The following RBFOX1 variants were observed in gnomAD, a reference collection of about 807,000 sequenced individuals.
RBFOX1 encodes the protein RNA binding fox-1 homolog 1.
In RBFOX1, 8 loss-of-function variants were observed where a neutral mutation model predicts 57.7. The observed-to-expected ratio is 0.14, with a 90% CI of 0.08 to 0.25. RBFOX1 has a LOEUF of 0.25. Among genes scored for constraint, RBFOX1 ranks in the 10% least tolerant of loss-of-function variants. RBFOX1 has a pLI of 1.00. For missense variants in RBFOX1, 611 were observed against 548.5 expected (o/e 1.11, Z -1.14); for synonymous variants, 326 against 222.4 (o/e 1.47, Z -4.15).
Position 5,478,756 on chromosome 16 carries a change from G to C in RBFOX1, c.258+11502G>C, listed in dbSNP as rs146334894. ...CACCTTTTCCCACTGGTTTCTCATT[G>C]GGTTTGGGCAATAGGGAGCCATAGT... is the stretch of plus-strand genomic sequence containing the variant. On this transcript the variant is annotated intron_variant, in intron 2 of 2. Coordinates refer to the RBFOX1 transcript ENST00000585867. 2.9e-3 allele frequency among the ~76,000 whole-genome samples: 449 copies of C among 152,216 alleles called. 2 individuals carry two copies. Among genetic ancestry groups the C allele is most frequent in the African/African-American group, 0.01 (430 of 41,528 alleles).
intron 4 of RBFOX1, among the ~76,000 whole-genome samples, chr16:7,312,397 A>G (rs540944476): frequency 1.3e-5 from 2 of 152,364 alleles, no homozygotes; most frequent in South Asian, 4.1e-4. Context: ...AGCAACAACA[A>G]CAATGAAACA....
At chr16:5,941,452 T>G (rs1033915684) in intron 4 of RBFOX1, among the ~76,000 whole-genome samples, 2 of 151,624 alleles carry the variant, frequency 1.3e-5, no homozygotes, top group African/African-American at 4.9e-5. Context: ...ATAGCTCTTC[T>G]GCGCTCCAGC....
rs75564826 is a variant in RBFOX1 at position 5,666,179 on chromosome 16, G to A, written c.318+67218G>A. Among the ~76,000 whole-genome samples, 1,072 of 152,348 alleles carry A rather than the reference G, an allele frequency of 7.0e-3. 6 individuals carry two copies. Among genetic ancestry groups the A allele is most frequent in the African/African-American group, 0.025 (1,034 of 41,584 alleles). On this transcript the variant is annotated intron_variant, in intron 3 of 19. Coordinates refer to the RBFOX1 transcript ENST00000641259. ...TGGGCACATCCATCATGGATACGGA[G>A]GCAGCTGGGAAGGAAAGGGAGGGCA...
chr16:7,108,699 G>C (rs570427839), intron 4 of RBFOX1, among the ~76,000 whole-genome samples: 62 of 152,270 alleles, frequency 4.1e-4, no homozygotes, highest in Non-Finnish European at 6.0e-4. Flanking sequence ...ACAGTTAAAA[G>C]TGTCCATACT....
intron 4 of RBFOX1, among the ~76,000 whole-genome samples, chr16:7,484,730 C>G (rs774105816): frequency 5.3e-5 from 8 of 152,198 alleles, no homozygotes; most frequent in Non-Finnish European, 1.0e-4. Context: ...TCCCAAAGTT[C>G]TGGGATGACA....
chr16:6,531,034 G>T (rs182702456), intron 2 of RBFOX1, among the ~76,000 whole-genome samples: 205 of 152,292 alleles, frequency 1.3e-3, no homozygotes, highest in African/African-American at 4.6e-3. Flanking sequence ...CCTTGCAGGT[G>T]AGCCTCTTGA....
At chr16:5,730,292 C>T (rs2052316449) in intron 3 of RBFOX1, among the ~76,000 whole-genome samples, 1 of 152,096 alleles carries the variant, frequency 6.6e-6, no homozygotes, top group Non-Finnish European at 1.5e-5. Flanking sequence ...TTTAGTGCCA[C>T]AGAGCAAAGA....
chr16:7,448,201 A>G (rs1374815653), intron 4 of RBFOX1, among the ~76,000 whole-genome samples: 1 of 152,320 alleles, frequency 6.6e-6, no homozygotes, highest in East Asian at 1.9e-4. Flanking sequence ...AAATAACAGA[A>G]ACTTATTCTC....
At chr16:6,862,750 C>T (rs370181164) in intron 3 of RBFOX1, among the ~76,000 whole-genome samples, 2 of 152,032 alleles carry the variant, frequency 1.3e-5, no homozygotes, top group East Asian at 1.9e-4. Flanking sequence ...TTTGTAAGGC[C>T]GAGGCTGGTG....
At chr16:6,714,346 T>C (rs718974) in intron 3 of RBFOX1, among the ~76,000 whole-genome samples, 115,605 of 152,062 alleles carry the variant, frequency 0.76, 44,395 homozygotes, top group Middle Eastern at 0.91. Context: ...GAGGAAACAC[T>C]AGTGTTCATG....
At chr16:6,835,206 G>T (rs966484949) in intron 3 of RBFOX1, among the ~76,000 whole-genome samples, 1 of 152,064 alleles carries the variant, frequency 6.6e-6, no homozygotes, top group Non-Finnish European at 1.5e-5. Context: ...CGACCGGCCT[G>T]ACTTCTCTTG....
At chr16:5,824,344 T>G (rs994289089) in intron 3 of RBFOX1, among the ~76,000 whole-genome samples, 1 of 152,180 alleles carries the variant, frequency 6.6e-6, no homozygotes, top group Admixed American at 6.5e-5. Context: ...GTGTCCTTCT[T>G]ACAGTCATGG....
intron 2 of RBFOX1, among the ~76,000 whole-genome samples, chr16:6,442,119 A>G (rs1489848452): frequency 6.6e-6 from 1 of 152,182 alleles, no homozygotes; most frequent in African/African-American, 2.4e-5. Flanking sequence ...AGAAAGGGTC[A>G]TTGACGTCCA....
intron 2 of RBFOX1, among the ~76,000 whole-genome samples, chr16:6,412,775 T>C (rs1345795036): frequency 1.3e-5 from 2 of 152,202 alleles, no homozygotes; most frequent in African/African-American, 4.8e-5. Flanking sequence ...TCTAATGATC[T>C]GATTCAGTGA....
At chr16:7,501,041 T>G (rs2070651710) in intron 4 of RBFOX1, among the ~76,000 whole-genome samples, 1 of 152,204 alleles carries the variant, frequency 6.6e-6, no homozygotes, top group Non-Finnish European at 1.5e-5. Context: ...ATTGTAAGTT[T>G]CCTGAGGCCT....
At chr16:5,883,369 C>G (rs35917350) in intron 4 of RBFOX1, among the ~76,000 whole-genome samples, 18,655 of 152,132 alleles carry the variant, frequency 0.12, 1,512 homozygotes, top group African/African-American at 0.23. Context: ...AAATACAATC[C>G]TATTCCTCAT....
intron 1 of RBFOX1, chr16:5,270,280 C>T (rs890155602): frequency 5.3e-5 from 33 of 626,860 alleles, no homozygotes; most frequent in Non-Finnish European, 6.7e-5. Flanking sequence ...GTAAAAGCAC[C>T]TGCTATGTTC....
chr16:6,862,598 G>A (rs2059208274), intron 3 of RBFOX1, among the ~76,000 whole-genome samples: 1 of 152,166 alleles, frequency 6.6e-6, no homozygotes, highest in African/African-American at 2.4e-5. Context: ...CATGTTACAG[G>A]CAGAGGAAGT....
At chr16:7,395,065 G>A (rs1172333190) in intron 4 of RBFOX1, among the ~76,000 whole-genome samples, 1 of 152,170 alleles carries the variant, frequency 6.6e-6, no homozygotes, top group Non-Finnish European at 1.5e-5. Context: ...GGGATAAATA[G>A]AGCCATTTGT....
Sources: allele counts gnomAD v4.1 joint callset (sites outside exome capture counted in the v4.1 genomes callset), GRCh38; gene constraint gnomAD v4.1.1; transcripts MANE v1.5; gene names NCBI Gene and HGNC (gene_info 2026-07-23, HGNC 2026-07-21).